Variants in ADAM21 observed in about 807,000 individuals in gnomAD.
ADAM21 encodes the protein ADAM metallopeptidase domain 21.
For synonymous variants in ADAM21, 262 were observed against 306.0 expected (o/e 0.86, Z 1.50); for missense variants, 678 against 874.4 (o/e 0.78, Z 2.83).
chr14:70,457,393 G>A lies in ADAM21; in HGVS notation c.-107G>A. ...CTCTGCCAGGACACAGATCCACAGG[G>A]TCAGCCCTGCATCCTGAGCAGCTTA... On this transcript the variant is annotated 5_prime_UTR_variant, in exon 2 of 2. Transcript: ENST00000603540. 1.9e-6 allele frequency: 3 copies of A among 1,547,848 alleles called. No individual in the cohort carries two copies. The highest frequency in any genetic ancestry group is 2.6e-6 in the Non-Finnish European group (3 of 1,133,642).
In ADAM21 at chr14:70,458,824, C is replaced by G; in HGVS notation, c.1325C>G (p.Pro442Arg). 6.2e-7 allele frequency: 1 copy of G among 1,614,178 alleles called. No individual in the cohort carries two copies. Among genetic ancestry groups the G allele is most frequent in the African/African-American group, 1.3e-5 (1 of 75,026 alleles). ...TGTCTGTTGAACTGCACTCTAAGGCCTGGGGCTGCCTGTGCTTTTGGGCTT... is the reference window on the plus strand; with the variant it reads ...TGTCTGTTGAACTGCACTCTAAGGCGTGGGGCTGCCTGTGCTTTTGGGCTT... The part of the protein sequence containing the change: ...ACCLLNCTLR[P>R]GAACAFGLCC... Residue 442 changes from proline (P) to arginine (R), a missense_variant, in exon 2 of 2, where the codon CCT (proline) becomes CGT (arginine). Coordinates refer to ENST00000603540, the MANE Select transcript of ADAM21 (RefSeq NM_003813.4).
At position 70,458,351 on chromosome 14, in the gene ADAM21, A is replaced by T; in HGVS notation, c.852A>T (p.Gln284His). 1.2e-6 allele frequency: 2 copies of T among 1,614,218 alleles called. No homozygotes were observed. Among genetic ancestry groups the T allele is most frequent in the South Asian group, 2.2e-5 (2 of 91,086 alleles). Residue 284 changes from glutamine to histidine, a missense_variant, in exon 2 of 2, where the codon CAA (glutamine) becomes CAT (histidine). Coordinates refer to ENST00000603540, the MANE Select transcript of ADAM21 (RefSeq NM_003813.4). ...QVLNDFSQWK[Q>H]ISLSQLQHDA... ...TGAACGATTTCTCTCAATGGAAACA[A>T]ATCAGTCTTTCCCAGCTACAGCATG...
chr14:70,452,428 C>T (rs546371101), intron 1 of ADAM21, among the ~76,000 whole-genome samples, 165 bp downstream of exon 1: 69 of 152,240 alleles, frequency 4.5e-4, no homozygotes, highest in African/African-American at 1.6e-3. Flanking sequence ...TGCAGTGGCG[C>T]GATCTCAGCT....
Position 70,459,702 on chromosome 14 carries a change from G to A in ADAM21, c.*34G>A. ...CTCTAACTTAATATTCCATGCATTAGTACACTTTAGTCTCTTGGCAGTAGA... is the reference window on the plus strand; with the variant it reads ...CTCTAACTTAATATTCCATGCATTAATACACTTTAGTCTCTTGGCAGTAGA... On this transcript the variant is annotated 3_prime_UTR_variant, in exon 2 of 2. Coordinates refer to ENST00000603540, the MANE Select transcript of ADAM21 (RefSeq NM_003813.4). 1 of 1,601,472 alleles carries A rather than the reference G, an allele frequency of 6.2e-7. No individual in the cohort carries two copies. The highest frequency in any genetic ancestry group is 8.5e-7 in the Non-Finnish European group (1 of 1,173,616).
chr14:70,458,255 C>A lies in ADAM21; in HGVS notation c.756C>A (p.Tyr252Ter). The A allele has an allele frequency of 6.2e-7, 1 of 1,613,890 alleles. No individual in the cohort carries two copies. The highest frequency in any genetic ancestry group is 1.1e-5 in the South Asian group (1 of 91,066). The change falls in exon 2 of 2, where the codon TAC becomes TAA. Residue 252 changes from tyrosine to a stop codon, truncating the protein, a stop_gained. Coordinates refer to ENST00000603540, the MANE Select transcript of ADAM21 (RefSeq NM_003813.4). LOFTEE classifies it low-confidence loss of function (END_TRUNC). ...VDSMYKQLGT[Y>*]IILIGIEIWN... Reference sequence around the variant, plus strand: ...CCATGTATAAGCAGTTAGGTACTTACATAATTTTGATTGGAATTGAAATTT... The same window carrying A: ...CCATGTATAAGCAGTTAGGTACTTAAATAATTTTGATTGGAATTGAAATTT...
At chr14:70,455,879 T>C (rs370957212) in intron 1 of ADAM21, among the ~76,000 whole-genome samples, 1 of 152,050 alleles carries the variant, frequency 6.6e-6, no homozygotes, top group Non-Finnish European at 1.5e-5. Context: ...TATTTCAGGG[T>C]GTTTGAGATT....
Position 70,458,700 on chromosome 14 carries a change from G to C in ADAM21, c.1201G>C (p.Gly401Arg). The change falls in exon 2 of 2, where the codon GGG becomes CGG. Residue 401 changes from glycine to arginine, a missense_variant. Physicochemically the swap from Gly to Arg is moderately radical, Grantham distance 125 (BLOSUM62 -2). Transcript: ENST00000603540. ...GSCLHNPPRL[G>R]EIFMLKRCGN... ...ATGTCTGCATAATCCTCCAAGATTGGGGGAAATCTTTATGCTAAAGCGCTG... is the reference window on the plus strand; with the variant it reads ...ATGTCTGCATAATCCTCCAAGATTGCGGGAAATCTTTATGCTAAAGCGCTG... 1 of 1,614,054 alleles carries C rather than the reference G, an allele frequency of 6.2e-7. No homozygotes were observed. Among genetic ancestry groups the C allele is most frequent in the East Asian group, 2.2e-5 (1 of 44,880 alleles).
chr14:70,457,546 T>G lies in ADAM21; in HGVS notation c.47T>G (p.Leu16Arg), dbSNP rs1882435941. ...TLVYIRVTLL[L>R]LWLGVFLSIS... Reference sequence around the variant, plus strand: ...GTGTACATCAGAGTCACTCTTCTGCTGCTCTGGCTTGGGGTATTTTTGTCT... The same window carrying G: ...GTGTACATCAGAGTCACTCTTCTGCGGCTCTGGCTTGGGGTATTTTTGTCT... Residue 16 changes from leucine to arginine, a missense_variant, in exon 2 of 2, where the codon CTG becomes CGG. Transcript: ENST00000603540. 6.2e-7 allele frequency: 1 copy of G among 1,606,666 alleles called. No individual in the cohort carries two copies. Among genetic ancestry groups the G allele is most frequent in the African/African-American group, 1.3e-5 (1 of 74,396 alleles).
intron 1 of ADAM21, among the ~76,000 whole-genome samples, chr14:70,456,425 A>G (rs61979107): frequency 0.052 from 7,967 of 152,264 alleles, 272 homozygotes; most frequent in Middle Eastern, 0.11. Context: ...TGGTAAATAT[A>G]TTTGAGCAAA....
intron 1 of ADAM21, among the ~76,000 whole-genome samples, chr14:70,454,124 T>C (rs1293444067): frequency 6.6e-6 from 1 of 152,142 alleles, no homozygotes; most frequent in African/African-American, 2.4e-5. Flanking sequence ...ACTCAGAAGA[T>C]TGAGGAGGTG....
Position 70,459,325 on chromosome 14 carries a change from A to G in ADAM21, c.1826A>G (p.Asp609Gly), listed in dbSNP as rs2139486734. The change falls in exon 2 of 2, where the codon GAT becomes GGT. Residue 609 changes from aspartate to glycine, a missense_variant. Transcript: ENST00000603540. ...ATATCTGACATTGGTGAAGTGAAAG[A>G]TGGTACTGTGTGTGGCCCAGGAAAG... ...MNISDIGEVK[D>G]GTVCGPGKIC... 1 of 1,614,238 alleles carries G rather than the reference A, an allele frequency of 6.2e-7. No individual in the cohort carries two copies. The highest frequency in any genetic ancestry group is 2.2e-5 in the East Asian group (1 of 44,892).
In ADAM21 at chr14:70,459,571, CTTT is replaced by C. The variant is rs768209173; in HGVS notation, c.2073_2075del (p.Leu692del). On this transcript the variant is annotated inframe_deletion, in exon 2 of 2. Transcript: ENST00000603540. ...TTTTTGCCGCTGATTGTGATTCCTT[CTTT>C]GTCTGTTTTGACTTTCCTGTTTACT... 35 of 1,614,048 alleles carry C rather than the reference CTTT, an allele frequency of 2.2e-5. No individual in the cohort carries two copies. The Admixed American group carries it at 4.8e-4, about 22-fold the overall frequency.
At chr14:70,453,168 G>A (rs1431916497) in intron 1 of ADAM21, among the ~76,000 whole-genome samples, 1 of 152,168 alleles carries the variant, frequency 6.6e-6, no homozygotes, top group Non-Finnish European at 1.5e-5. Context: ...GGATCTTCTA[G>A]GGATGCCTTC....
In ADAM21 at chr14:70,458,949, T is replaced by C. The variant is rs564599759; in HGVS notation, c.1450T>C (p.Cys484Arg). The C allele has an allele frequency of 1.2e-6, 2 of 1,614,150 alleles. No homozygotes were observed. Among genetic ancestry groups the C allele is most frequent in the African/African-American group, 2.7e-5 (2 of 75,030 alleles). The change falls in exon 2 of 2, where the codon TGT becomes CGT. Residue 484 changes from cysteine (C) to arginine (R), a missense_variant. Transcript: ENST00000603540. ...PEWCNGTSHQ[C>R]PEDRYVQDGI... ...ATGGTGCAATGGAACATCTCATCAG[T>C]GTCCAGAAGATAGATATGTGCAGGA...
chr14:70,458,544 A>G lies in ADAM21; in HGVS notation c.1045A>G (p.Met349Val), dbSNP rs756583494. 27 of 1,610,542 alleles carry G rather than the reference A, an allele frequency of 1.7e-5. No individual in the cohort carries two copies. The highest frequency in any genetic ancestry group is 2.0e-5 in the Non-Finnish European group (24 of 1,177,686). ...VAHELGHTLG[M>V]QHDEEFCFCG... is the part of the protein sequence containing the mutation. ...CCATGAGTTAGGTCATACGTTAGGT[A>G]TGCAGCATGATGAAGAATTCTGTTT... is the stretch of plus-strand genomic sequence containing the variant. The change falls in exon 2 of 2, where the codon ATG becomes GTG. Residue 349 changes from methionine to valine, a missense_variant. Physicochemically the swap from Met to Val is conservative, Grantham distance 21. Transcript: ENST00000603540.
Position 70,459,491 on chromosome 14 carries a change from C to G in ADAM21, c.1992C>G (p.His664Gln), listed in dbSNP as rs1882491950. Residue 664 changes from histidine to glutamine, a missense_variant, in exon 2 of 2, where the codon CAC becomes CAG. Coordinates refer to ENST00000603540, the MANE Select transcript of ADAM21 (RefSeq NM_003813.4). ...GYGWSPPYCQ[H>Q]RGYGGSIDSG... ...GGTGGTCCCCACCCTACTGCCAGCA[C>G]AGAGGCTATGGGGGCAGTATTGACA... 8.1e-6 allele frequency: 13 copies of G among 1,614,098 alleles called. No homozygotes were observed. Among genetic ancestry groups the G allele is most frequent in the Non-Finnish European group, 1.0e-5 (12 of 1,180,048 alleles).
Position 70,458,676 on chromosome 14 carries a change from T to C in ADAM21, c.1177T>C (p.Cys393Arg), listed in dbSNP as rs1462311574. 1 of 1,614,070 alleles carries C rather than the reference T, an allele frequency of 6.2e-7. No homozygotes were observed. Among genetic ancestry groups the C allele is most frequent in the Non-Finnish European group, 8.5e-7 (1 of 1,180,006 alleles). The change falls in exon 2 of 2, where the codon TGT (cysteine) becomes CGT (arginine). Residue 393 changes from cysteine (C) to arginine (R), a missense_variant. By Grantham distance (180) the Cys-to-Arg change is radical. Coordinates refer to ENST00000603540, the MANE Select transcript of ADAM21 (RefSeq NM_003813.4). ...FMKTTLNQGS[C>R]LHNPPRLGEI... ...GAAGACCACCTTAAACCAGGGATCATGTCTGCATAATCCTCCAAGATTGGG... is the reference window on the plus strand; with the variant it reads ...GAAGACCACCTTAAACCAGGGATCACGTCTGCATAATCCTCCAAGATTGGG...
chr14:70,452,652 C>T (rs145460557), intron 1 of ADAM21, among the ~76,000 whole-genome samples: 305 of 152,310 alleles, frequency 2.0e-3, no homozygotes, highest in African/African-American at 6.5e-3. Flanking sequence ...AGGCGTGAGC[C>T]ACCGCGCCCG....
In ADAM21 at chr14:70,459,879, A is replaced by T; in HGVS notation, c.*211A>T. ...TATTGTTTATTGTTTTAAGCAGCAA[A>T]TAAAGCTACATCCTTCCCTCCCTTT... On this transcript the variant is annotated 3_prime_UTR_variant, in exon 2 of 2. Transcript: ENST00000603540. 1 of 601,580 alleles carries T rather than the reference A, an allele frequency of 1.7e-6. No homozygotes were observed. Among genetic ancestry groups the T allele is most frequent in the Non-Finnish European group, 2.8e-6 (1 of 353,018 alleles). 37.3% of individuals were successfully genotyped at this position (601,580 alleles called of 1,614,324 possible).
Sources: allele counts gnomAD v4.1 joint callset (sites outside exome capture counted in the v4.1 genomes callset), GRCh38; gene constraint gnomAD v4.1.1; transcripts MANE v1.5; gene names NCBI Gene and HGNC (gene_info 2026-07-23, HGNC 2026-07-21).